Variants in RBFOX2 observed in about 807,000 individuals in gnomAD.
RBFOX2 encodes the protein RNA binding protein fox-1 homolog 2.
A neutral mutation model predicts 49.1 loss-of-function variants in RBFOX2; 10 were observed. That is an observed-to-expected ratio of 0.20 (90% CI 0.13 to 0.35). The LOEUF (loss-of-function observed/expected upper bound fraction) is 0.35, where lower values mean the gene tolerates loss of function less well. Among genes scored for constraint, RBFOX2 ranks in the 10% least tolerant of loss-of-function variants. RBFOX2 has a pLI of 1.00. For missense variants in RBFOX2, 323 were observed against 486.9 expected, an observed-to-expected ratio of 0.66 and a Z score of 3.17; for synonymous variants, 183 against 187.4, an observed-to-expected ratio of 0.98 and a Z score of 0.19.
intron 1 of RBFOX2, among the ~76,000 whole-genome samples, chr22:35,894,842 C>T (rs1333703554): frequency 6.6e-6 from 1 of 151,982 alleles, no homozygotes; most frequent in Non-Finnish European, 1.5e-5. Flanking sequence ...GATCGGGCTG[C>T]TCAAACTCAG....
intron 1 of RBFOX2, among the ~76,000 whole-genome samples, chr22:36,011,282 A>G (rs2058811730): frequency 6.6e-6 from 1 of 152,184 alleles, no homozygotes; most frequent in African/African-American, 2.4e-5. Flanking sequence ...TCTAAAAGGT[A>G]GCAACATCAG....
intron 1 of RBFOX2, among the ~76,000 whole-genome samples, chr22:35,852,791 A>G (rs1336382705): frequency 2.0e-5 from 3 of 152,246 alleles, no homozygotes; most frequent in Non-Finnish European, 2.9e-5. Context: ...ACCCAGTTCA[A>G]TATTTGGTGA....
At chr22:35,781,550 T>A in intron 3 of RBFOX2, 50 bp downstream of exon 4, 1 of 1,588,816 alleles carries the variant, frequency 6.3e-7, no homozygotes, top group Non-Finnish European at 8.6e-7. Context: ...ATCTGGGGGA[T>A]TAAAATCTAC....
chr22:35,945,882 C>A (rs910372223), intron 1 of RBFOX2, among the ~76,000 whole-genome samples: 2 of 152,224 alleles, frequency 1.3e-5, no homozygotes, highest in African/African-American at 4.8e-5. Context: ...TGAGGTCCAA[C>A]TGTTAACTAG....
chr22:35,960,331 C>T (rs997716177), intron 1 of RBFOX2, among the ~76,000 whole-genome samples: 6 of 152,140 alleles, frequency 3.9e-5, no homozygotes. Flanking sequence ...AGCCAACGCA[C>T]CAAGAGACTA....
intron 2 of RBFOX2, among the ~76,000 whole-genome samples, chr22:35,808,941 A>C (rs942164977): frequency 1.3e-5 from 2 of 152,130 alleles, no homozygotes; most frequent in Admixed American, 6.5e-5. Context: ...GTAAGAGGTG[A>C]AGTCAAAGAG....
At chr22:35,831,260 G>A (rs1490336663) in intron 1 of RBFOX2, among the ~76,000 whole-genome samples, 1 of 152,094 alleles carries the variant, frequency 6.6e-6, no homozygotes, top group East Asian at 1.9e-4. Flanking sequence ...TGGCTAACAT[G>A]GTGAAATCCT....
At chr22:36,026,541 T>TACAGAC (rs5845246) in intron 1 of RBFOX2, among the ~76,000 whole-genome samples, 300 of 136,644 alleles carry the variant, frequency 2.2e-3, no homozygotes, top group African/African-American at 4.2e-3. Context: ...AATGAATACA[T>TACAGAC]ACACACACAC....
chr22:36,004,811 T>TA (rs998172396), intron 1 of RBFOX2, among the ~76,000 whole-genome samples: 1 of 151,912 alleles, frequency 6.6e-6, no homozygotes, highest in Non-Finnish European at 1.5e-5. Context: ...AAAAAAAAGT[T>TA]AAACCATCAG....
chr22:35,929,531 A>G (rs2052097927), intron 1 of RBFOX2, among the ~76,000 whole-genome samples: 1 of 152,234 alleles, frequency 6.6e-6, no homozygotes, highest in Non-Finnish European at 1.5e-5. Flanking sequence ...AAAAAATGAC[A>G]CAGTGATACA....
chr22:35,993,667 T>C (rs1420266026), intron 1 of RBFOX2: 1 of 152,148 alleles, frequency 6.6e-6, no homozygotes, highest in Non-Finnish European at 1.5e-5. Context: ...GTAGGGCTAA[T>C]TTGTTACACA....
chr22:35,834,149 A>C (rs1267347563), intron 1 of RBFOX2, among the ~76,000 whole-genome samples: 3 of 152,212 alleles, frequency 2.0e-5, no homozygotes, highest in Non-Finnish European at 1.5e-5. Flanking sequence ...AAGAATATCA[A>C]TTTCTAAGCC....
At chr22:35,781,012 G>A (rs1945049430) in intron 3 of RBFOX2, among the ~76,000 whole-genome samples, 1 of 152,040 alleles carries the variant, frequency 6.6e-6, no homozygotes, top group Admixed American at 6.6e-5. Context: ...TTATATGGAA[G>A]GTAAAGAAAA....
chr22:35,849,065 G>T (rs1770542883), intron 1 of RBFOX2, among the ~76,000 whole-genome samples: 1 of 152,064 alleles, frequency 6.6e-6, no homozygotes. Context: ...TGTTACTAAT[G>T]TCATCACAAA....
chr22:35,787,240 A>C (rs1197418152), intron 2 of RBFOX2, among the ~76,000 whole-genome samples: 1 of 152,050 alleles, frequency 6.6e-6, no homozygotes, highest in Non-Finnish European at 1.5e-5. Flanking sequence ...GGGTTTTGCC[A>C]TGTTGCCAGG....
chr22:35,744,190 G>C (rs1931337323), exon 12 of RBFOX2: 2 of 1,605,862 alleles, frequency 1.2e-6, no homozygotes, highest in Admixed American at 1.7e-5. Flanking sequence ...CCATTTGCAG[G>C]GGTCTCACGT....
intron 2 of RBFOX2, among the ~76,000 whole-genome samples, chr22:35,783,694 C>G (rs953206500): frequency 1.1e-4 from 16 of 152,154 alleles, no homozygotes; most frequent in Non-Finnish European, 2.1e-4. Flanking sequence ...TAAAGATGGT[C>G]TTCTGATGAG....
chr22:35,900,476 C>T (rs906559429), intron 1 of RBFOX2, among the ~76,000 whole-genome samples: 3 of 151,954 alleles, frequency 2.0e-5, no homozygotes, highest in Admixed American at 1.3e-4. Context: ...TGAGGCAACC[C>T]TCTATACATA....
chr22:35,942,971 A>G (rs1335160734), upstream of RBFOX2, among the ~76,000 whole-genome samples: 3 of 152,238 alleles, frequency 2.0e-5, no homozygotes, highest in African/African-American at 7.2e-5. Flanking sequence ...CAATGCATAA[A>G]ACAAGTTTTA....
Sources: gnomAD v4.1 joint callset for allele counts (sites outside exome capture counted in the v4.1 genomes callset) on GRCh38, gnomAD v4.1.1 for gene constraint, MANE v1.5 for transcripts, NCBI Gene and HGNC (gene_info 2026-07-23, HGNC 2026-07-21) for gene names.